The following TCF3 variants were observed in gnomAD, a reference collection of about 807,000 sequenced individuals.
The protein encoded by TCF3 is transcription factor E2-alpha.
A neutral mutation model predicts 72.3 loss-of-function variants in TCF3; 54 were observed. The ratio of observed to expected loss-of-function variants is 0.75; its 90% CI spans 0.60 to 0.94. The LOEUF (loss-of-function observed/expected upper bound fraction) is 0.94. Among genes scored for constraint, TCF3 ranks in the 40% least tolerant of loss-of-function variants. The pLI, the probability that TCF3 is intolerant of heterozygous loss-of-function variation, is 0.00. For missense variants in TCF3, 1,078 were observed against 934.4 expected (o/e 1.15, Z -2.00); for synonymous variants, 525 against 412.6 (o/e 1.27, Z -3.30).
Position 1,622,175 on chromosome 19 carries a change from G to A in TCF3, c.701C>T (p.Ala234Val), listed in dbSNP as rs756170287. Residue 234 changes from alanine to valine, a missense_variant, in exon 10 of 19, where the codon GCG (alanine) becomes GTG (valine). Physicochemically the swap from Ala to Val is moderately conservative, Grantham distance 64 (BLOSUM62 0). Coordinates refer to ENST00000262965, the MANE Select transcript of TCF3 (RefSeq NM_003200.5). ...CCCACCCAGCATGGGCCCGAAGCCC[G>A]CCTGGCCCGGGGGACTCCAGAGCTC... ...SAELWSPPGQ[A>V]GFGPMLGGGS... 1.5e-5 allele frequency: 23 copies of A among 1,569,624 alleles called. No individual in the cohort carries two copies. Among genetic ancestry groups the A allele is most frequent in the Admixed American group, 1.9e-5 (1 of 54,034 alleles).
Position 1,620,872 on chromosome 19 carries a change from C to T in TCF3, c.1093+96G>A. The T allele has an allele frequency of 4.0e-6, 5 of 1,252,336 alleles. No homozygotes were observed. The South Asian group carries it at 9.1e-5, about 23-fold the overall frequency. 77.6% of individuals were successfully genotyped at this position (1,252,336 alleles called of 1,614,324 possible). ...GCAAGGTGCAGACACCAGAACCAGC[C>T]TCCCCTCCCCCGCAAAGCCTTCACA... On this transcript the variant is annotated intron_variant, in intron 13 of 18. Coordinates refer to ENST00000262965, the MANE Select transcript of TCF3 (RefSeq NM_003200.5).
chr19:1,627,917 G>A (rs56227257), intron 5 of TCF3, among the ~76,000 whole-genome samples: 1 of 8,864 alleles, frequency 1.1e-4, no homozygotes. Context: ...CTCACAGGGG[G>A]TGAGGCGGGA....
chr19:1,612,261 G>A (rs1053887910), intron 18 of TCF3: 4 of 1,611,208 alleles, frequency 2.5e-6, no homozygotes, highest in African/African-American at 2.7e-5. Context: ...TGCAGGATGA[G>A]CAGCTTGGTC....
chr19:1,636,360 C>T (rs2064406313), intron 3 of TCF3, among the ~76,000 whole-genome samples: 1 of 152,104 alleles, frequency 6.6e-6, no homozygotes, highest in Non-Finnish European at 1.5e-5. Flanking sequence ...GGGTTTCATA[C>T]ATGTTGGCCA....
intron 6 of TCF3, 42 bp from the exon 7 acceptor site, chr19:1,625,750 C>G: frequency 6.8e-7 from 1 of 1,463,910 alleles, no homozygotes; most frequent in African/African-American, 1.5e-5. Flanking sequence ...AGCTGGCATC[C>G]AGACCCCAGG....
At chr19:1,612,649 G>A (rs946627511) in intron 18 of TCF3, among the ~76,000 whole-genome samples, 3 of 151,584 alleles carry the variant, frequency 2.0e-5, no homozygotes, top group Non-Finnish European at 4.4e-5. Flanking sequence ...CACGGCTGGT[G>A]TTGGTGTGGG....
intron 5 of TCF3, among the ~76,000 whole-genome samples, chr19:1,629,816 T>C (rs549719446): frequency 6.6e-6 from 1 of 152,278 alleles, no homozygotes; most frequent in African/African-American, 2.4e-5. Flanking sequence ...ATTTTAAAAG[T>C]TCAACGATTT....
chr19:1,611,769 T>C lies in TCF3; in HGVS notation c.1903A>G (p.Met635Val). The C allele has an allele frequency of 1.2e-6, 2 of 1,613,522 alleles. No homozygotes were observed. The highest frequency in any genetic ancestry group is 1.7e-5 in the Admixed American group (1 of 59,968). Residue 635 changes from methionine (M) to valine (V), a missense_variant, in exon 19 of 19, where the codon ATG becomes GTG. Transcript: ENST00000262965. ...KVSGVVGDPQ[M>V]VLSAPHPGLS... The stretch of plus-strand genomic sequence containing the variant: ...CCTGGGTGGGGAGCTGAAAGCACCA[T>C]CTGGGGGTCTCCAACCACACCTGAC...
At chr19:1,643,914 G>A (rs531145166) in intron 3 of TCF3, among the ~76,000 whole-genome samples, 2 of 152,324 alleles carry the variant, frequency 1.3e-5, no homozygotes, top group African/African-American at 2.4e-5. Context: ...TGGAGAATGC[G>A]GCTGGGGTAC....
At chr19:1,624,111 G>A (rs1216949028) in intron 7 of TCF3, 111 bp from the exon 8 acceptor site, 6 of 1,084,150 alleles carry the variant, frequency 5.5e-6, no homozygotes, top group South Asian at 2.8e-5. Flanking sequence ...TAAAAACCTC[G>A]GGTCGGCTGG....
rs2061426768 is a variant in TCF3 at position 1,615,197 on chromosome 19, A to G, written c.1822+88T>C. ...CTGCTGCAGAGGGAGGGCTGGCTCC[A>G]GGAAGGCGGGCGGGGAAGGAGAACG... is the stretch of plus-strand genomic sequence containing the variant. On this transcript the variant is annotated intron_variant, in intron 18 of 18. Coordinates refer to ENST00000262965, the MANE Select transcript of TCF3 (RefSeq NM_003200.5). The surrounding 1 kb of genome is among the most constrained non-coding windows in gnomAD (Gnocchi z 7.3). The G allele has an allele frequency of 6.8e-7, 1 of 1,464,478 alleles. No individual in the cohort carries two copies. The highest frequency in any genetic ancestry group is 9.1e-7 in the Non-Finnish European group (1 of 1,104,298). The allele number at this position is 1,464,478 out of a possible 1,614,324, so 90.7% of individuals were successfully genotyped here.
chr19:1,612,150 G>T, intron 18 of TCF3: 1 of 1,498,986 alleles, frequency 6.7e-7, no homozygotes, highest in Non-Finnish European at 8.9e-7. Context: ...CCCAGCATCT[G>T]CACCTGGGTG....
intron 2 of TCF3, 66 bp from the exon 3 acceptor site, chr19:1,646,493 C>A (rs2066120632): frequency 6.9e-7 from 1 of 1,450,888 alleles, no homozygotes; most frequent in East Asian, 2.5e-5. Context: ...GTCCCGGGTT[C>A]AAACCCAAGC....
chr19:1,629,565 G>T (rs556216800), intron 5 of TCF3, among the ~76,000 whole-genome samples: 1 of 151,880 alleles, frequency 6.6e-6, no homozygotes, highest in Admixed American at 6.6e-5. Context: ...CCTGGGCTAC[G>T]GAGGAGGACA....
chr19:1,615,552 G>A lies in TCF3; in HGVS notation c.1587-32C>T, dbSNP rs763747805. The A allele has an allele frequency of 7.9e-5, 127 of 1,604,784 alleles. No homozygotes were observed. Among genetic ancestry groups the A allele is most frequent in the Middle Eastern group, 3.3e-4 (2 of 6,082 alleles). ...GGAGGGCGCCGGGAGGGGGCCAGAG[G>A]GAGACAGTGAGGTTGGGGGAAGAGC... On this transcript the variant is annotated intron_variant, in intron 17 of 18. Coordinates refer to ENST00000262965, the MANE Select transcript of TCF3 (RefSeq NM_003200.5). This position sits in a 1 kb window ranked among gnomAD's most constrained non-coding sequence, Gnocchi z 7.3.
At chr19:1,612,650 T>A (rs1044044030) in intron 18 of TCF3, among the ~76,000 whole-genome samples, 1 of 142,596 alleles carries the variant, frequency 7.0e-6, no homozygotes, top group Non-Finnish European at 1.5e-5. Context: ...ACGGCTGGTG[T>A]TGGTGTGGGC....
At chr19:1,648,324 G>A (rs535940886) in intron 2 of TCF3, among the ~76,000 whole-genome samples, 42 of 152,330 alleles carry the variant, frequency 2.8e-4, no homozygotes, top group Non-Finnish European at 5.3e-4. Flanking sequence ...TGGCCAGGGA[G>A]GTGGAACTCC....
chr19:1,635,871 A>G (rs1328684965), intron 3 of TCF3, among the ~76,000 whole-genome samples: 1 of 152,348 alleles, frequency 6.6e-6, no homozygotes, highest in Non-Finnish European at 1.5e-5. Context: ...ACACCTCGAC[A>G]GCTCCTCACG....
chr19:1,651,928 A>T (rs893343872), intron 1 of TCF3, among the ~76,000 whole-genome samples: 1 of 145,076 alleles, frequency 6.9e-6, no homozygotes, highest in East Asian at 2.1e-4. Flanking sequence ...GCCCCCCTCT[A>T]CCCGAGAAAG....
Sources: gnomAD v4.1 joint callset for allele counts (sites outside exome capture counted in the v4.1 genomes callset) on GRCh38, gnomAD v4.1.1 for gene constraint, Gnocchi (gnomAD v3.1) non-coding constraint, MANE v1.5 for transcripts, NCBI Gene and HGNC (gene_info 2026-07-23, HGNC 2026-07-21) for gene names.